The following AKAP7 variants were observed in gnomAD, a reference collection of about 807,000 sequenced individuals.
AKAP7 encodes the protein A kinase (PRKA) anchor protein 7.
AKAP7 carries 39 observed loss-of-function variants against 39.5 expected under a neutral mutation model. The observed-to-expected ratio is 0.99, with a 90% CI of 0.76 to 1.29. The LOEUF is 1.29. AKAP7 is among the 50% of genes most tolerant of loss of function. The pLI, the probability that AKAP7 is intolerant of heterozygous loss-of-function variation, is 0.00. For missense variants in AKAP7, 414 were observed against 407.7 expected (o/e 1.02, Z -0.13); for synonymous variants, 140 against 139.1 (o/e 1.01, Z -0.05).
At chr6:131,168,521 A>G (rs1157215107) in intron 4 of AKAP7, among the ~76,000 whole-genome samples, 1 of 152,218 alleles carries the variant, frequency 6.6e-6, no homozygotes, top group Admixed American at 6.5e-5. Context: ...TAGCAGGCGT[A>G]TAATTGCATA....
chr6:131,169,716 G>GC (rs1803844752), intron 5 of AKAP7, among the ~76,000 whole-genome samples: 1 of 152,162 alleles, frequency 6.6e-6, no homozygotes, highest in Non-Finnish European at 1.5e-5. Context: ...GGAATTGGAA[G>GC]CAGAAAAAAA....
chr6:131,255,855 C>T (rs775187770), intron 7 of AKAP7, among the ~76,000 whole-genome samples: 18 of 152,240 alleles, frequency 1.2e-4, no homozygotes, highest in Non-Finnish European at 1.8e-4. Flanking sequence ...AATTCTTTCT[C>T]TTCCTCCTCC....
intron 6 of AKAP7, among the ~76,000 whole-genome samples, chr6:131,202,120 G>T (rs1807628436): frequency 2.0e-5 from 3 of 151,340 alleles, no homozygotes; most frequent in African/African-American, 7.3e-5. Context: ...ACAGGTGCTG[G>T]AGAGGATGTG....
intron 5 of AKAP7, among the ~76,000 whole-genome samples, chr6:131,176,554 T>C (rs555850826): frequency 1.3e-5 from 2 of 152,168 alleles, no homozygotes; most frequent in African/African-American, 2.4e-5. Context: ...TGCAAAACTT[T>C]TTTTTTTAAA....
chr6:131,172,353 C>T (rs993234012), intron 5 of AKAP7, among the ~76,000 whole-genome samples: 7 of 152,094 alleles, frequency 4.6e-5, no homozygotes, highest in Admixed American at 4.6e-4. Flanking sequence ...AACATTTTTC[C>T]CCTTTCCTTT....
intron 5 of AKAP7, chr6:131,184,308 G>GC: frequency 1.7e-6 from 1 of 579,318 alleles, no homozygotes; most frequent in Non-Finnish European, 3.4e-6. Context: ...ATGTCGGGGA[G>GC]CAGGGGGGTG....
At position 131,282,665 on chromosome 6, in the gene AKAP7, C is replaced by A; in HGVS notation, c.*939C>A. On this transcript the variant is annotated 3_prime_UTR_variant, in exon 8 of 8. Coordinates refer to ENST00000431975, the MANE Select transcript of AKAP7 (RefSeq NM_016377.4). ...AATCTTTTCAGCTTATTAAGTAGCT[C>A]TTTGGTAAACACCAAAGAAGTTTCT... 1 of 1,375,136 alleles carries A rather than the reference C, an allele frequency of 7.3e-7. No homozygotes were observed. 85.2% of individuals were successfully genotyped at this position (1,375,136 alleles called of 1,614,324 possible). A position where few individuals can be genotyped will look rare whatever the true frequency, so the allele number is the denominator to read the frequency against.
chr6:131,144,257 A>G (rs1292928221), intron 1 of AKAP7, among the ~76,000 whole-genome samples: 1 of 151,640 alleles, frequency 6.6e-6, no homozygotes, highest in Admixed American at 6.6e-5. Flanking sequence ...ATCATGGCCC[A>G]TCCCCAATGA....
rs112523434 is a variant in AKAP7, at chr6:131,135,722, G to A, written c.-42G>A. 7.1e-3 allele frequency: 8,531 copies of A among 1,205,072 alleles called. 481 individuals are homozygous for A. In the African/African-American group the frequency reaches 0.12, roughly 17 times the overall value. The allele number at this position is 1,205,072 out of a possible 1,614,324, so 74.6% of individuals were successfully genotyped here. A position where few individuals can be genotyped will look rare whatever the true frequency, so the allele number is the denominator to read the frequency against. On this transcript the variant is annotated 5_prime_UTR_variant, in exon 1 of 8. Transcript: ENST00000431975. ...CCCCGGGACGCGGCCCGCCACCGCC[G>A]CTGCCGCCAGCCCAGACGCGCCGCC...
rs746940529 is a variant in AKAP7, at chr6:131,219,808, GGTGA to G, written c.850+4_850+7del. 1.6e-5 allele frequency: 24 copies of G among 1,496,028 alleles called. No individual in the cohort carries two copies. The highest frequency in any genetic ancestry group is 2.9e-5 in the South Asian group (2 of 69,028). The allele number at this position is 1,496,028 out of a possible 1,614,324, so 92.7% of individuals were successfully genotyped here. A position where few individuals can be genotyped will look rare whatever the true frequency, so the allele number is the denominator to read the frequency against. On this transcript the variant is annotated splice_donor_variant and splice_donor_region_variant and intron_variant, in intron 7 of 7. Transcript: ENST00000431975. LOFTEE classifies it high-confidence loss of function. ...TCACTGTGAATCTTCCATTGTGATTGGTGAGTGTCATTTAAAAATTATTTATTAT... is the reference window on the plus strand; with the variant it reads ...TCACTGTGAATCTTCCATTGTGATTGGTGTCATTTAAAAATTATTTATTAT...
At chr6:131,217,375 T>C (rs1809281376) in intron 6 of AKAP7, among the ~76,000 whole-genome samples, 1 of 152,170 alleles carries the variant, frequency 6.6e-6, no homozygotes, top group Admixed American at 6.5e-5. Context: ...CAGATAAATT[T>C]TATCAGAAAA....
intron 7 of AKAP7, among the ~76,000 whole-genome samples, chr6:131,269,473 A>C (rs1370862521): frequency 1.3e-5 from 2 of 152,214 alleles, no homozygotes; most frequent in Admixed American, 6.5e-5. Context: ...TCCAACCTGA[A>C]CAAATACAGG....
chr6:131,188,429 G>A (rs1806080695), intron 5 of AKAP7, among the ~76,000 whole-genome samples: 1 of 152,174 alleles, frequency 6.6e-6, no homozygotes, highest in African/African-American at 2.4e-5. Flanking sequence ...TATTATATGT[G>A]ACACAATTTT....
In AKAP7 at chr6:131,247,326, C is replaced by CT. The variant is rs539406845; in HGVS notation, c.850+27533dup. ...ATATATATATATATGTTTTTTTTTT[C>CT]TTTTTTTTTTTTTTTCCGAGATGGA... On this transcript the variant is annotated intron_variant, in intron 7 of 7. Transcript: ENST00000431975. Among the ~76,000 whole-genome samples, 115 of 58,162 alleles carry CT rather than the reference C, an allele frequency of 2.0e-3. 1 individual carries two copies. The highest frequency in any genetic ancestry group is 2.3e-3 in the South Asian group (4 of 1,768). 38.2% of individuals were successfully genotyped at this position (58,162 alleles called of 152,430 possible).
intron 6 of AKAP7, among the ~76,000 whole-genome samples, chr6:131,217,649 A>T (rs1809306465): frequency 6.6e-6 from 1 of 152,206 alleles, no homozygotes; most frequent in African/African-American, 2.4e-5. Flanking sequence ...GTTGGAAATC[A>T]TCTGTGAAAA....
chr6:131,260,578 T>C (rs1813231112), intron 7 of AKAP7, among the ~76,000 whole-genome samples: 1 of 152,226 alleles, frequency 6.6e-6, no homozygotes, highest in African/African-American at 2.4e-5. Context: ...TTTTCATATA[T>C]TTGTTGGCTG....
chr6:131,193,511 A>G (rs551303233), intron 5 of AKAP7, among the ~76,000 whole-genome samples: 4 of 152,092 alleles, frequency 2.6e-5, no homozygotes. Flanking sequence ...ATTGGCCTGT[A>G]GTTTTCTTTC....
intron 7 of AKAP7, among the ~76,000 whole-genome samples, chr6:131,240,818 G>C (rs901096683): frequency 2.6e-5 from 4 of 152,294 alleles, no homozygotes; most frequent in South Asian, 2.1e-4. Context: ...CCCTTTCTTT[G>C]ACTGGGAAAG....
intron 7 of AKAP7, among the ~76,000 whole-genome samples, chr6:131,221,205 G>C (rs1436280891): frequency 1.3e-5 from 2 of 152,188 alleles, no homozygotes; most frequent in African/African-American, 2.4e-5. Flanking sequence ...TATGGAAAAA[G>C]TTTTAGTGGT....
Sources: gnomAD v4.1 joint callset for allele counts (sites outside exome capture counted in the v4.1 genomes callset) on GRCh38, gnomAD v4.1.1 for gene constraint, MANE v1.5 for transcripts, NCBI Gene and HGNC (gene_info 2026-07-23, HGNC 2026-07-21) for gene names.